Variants in BBS2 observed in about 807,000 individuals in gnomAD.
BBS2 encodes the protein BBSome complex member BBS2.
A neutral mutation model predicts 83.0 loss-of-function variants in BBS2; 62 were observed. The observed-to-expected ratio is 0.75, with a 90% CI of 0.61 to 0.92. The LOEUF is 0.92. Among genes scored for constraint, BBS2 ranks in the 40% least tolerant of loss-of-function variants. The pLI, the probability that BBS2 is intolerant of heterozygous loss-of-function variation, is 0.00. For synonymous variants in BBS2, 303 were observed against 326.1 expected (o/e 0.93, Z 0.76); for missense variants, 784 against 901.0 (o/e 0.87, Z 1.66).
intron 1 of BBS2, among the ~76,000 whole-genome samples, chr16:56,515,332 AAGG>A (rs1964703223): frequency 6.6e-6 from 1 of 152,188 alleles, no homozygotes; most frequent in African/African-American, 2.4e-5. Flanking sequence ...CACCTGTAAA[AAGG>A]AGGTTTGGAC....
chr16:56,500,886 C>A lies in BBS2; in HGVS notation c.1365G>T (p.Leu455=). 6.2e-7 allele frequency: 1 copy of A among 1,614,122 alleles called. No homozygotes were observed. Among genetic ancestry groups the A allele is most frequent in the Non-Finnish European group, 8.5e-7 (1 of 1,180,022 alleles). The change falls in exon 11 of 17, where the codon CTG becomes CTT. Residue 455 remains leucine, a synonymous_variant. Transcript: ENST00000245157. ...IVPPKDVPVD[L]HLKAFVGYRS... Reference sequence around the variant, plus strand: ...TGTAACCCACGAATGCCTTCAAGTGCAGATCCACAGGGACATCTTTGGGAG... The same window carrying A: ...TGTAACCCACGAATGCCTTCAAGTGAAGATCCACAGGGACATCTTTGGGAG...
chr16:56,473,386 T>C (rs1963294175), intron 17 of BBS2, among the ~76,000 whole-genome samples: 1 of 152,254 alleles, frequency 6.6e-6, no homozygotes, highest in Admixed American at 6.5e-5. Context: ...TAACCAGTCC[T>C]GTGTTGAGCA....
At chr16:56,516,221 AC>A (rs1428786488) in intron 1 of BBS2, 1 of 152,184 alleles carries the variant, frequency 6.6e-6, no homozygotes, top group Non-Finnish European at 1.5e-5. Context: ...TCTCAGTCAT[AC>A]GACAAAAAGA....
chr16:56,516,074 G>C (rs1280287413), intron 1 of BBS2: 2 of 152,218 alleles, frequency 1.3e-5, no homozygotes, highest in African/African-American at 4.8e-5. Flanking sequence ...GGAATGGAAA[G>C]AGTTTGCAAT....
chr16:56,478,111 C>A (rs1963556953), intron 17 of BBS2: 1 of 152,160 alleles, frequency 6.6e-6, no homozygotes, highest in Non-Finnish European at 1.5e-5. Flanking sequence ...TTGTCTTCCC[C>A]TATGCATATG....
At chr16:56,518,027 G>A (rs1246173028) in intron 1 of BBS2, among the ~76,000 whole-genome samples, 1 of 152,026 alleles carries the variant, frequency 6.6e-6, no homozygotes, top group African/African-American at 2.4e-5. Flanking sequence ...ATGCTGGCCA[G>A]GTTGGTCTTG....
At chr16:56,518,722 C>T (rs1333978463) in intron 1 of BBS2, among the ~76,000 whole-genome samples, 1 of 152,210 alleles carries the variant, frequency 6.6e-6, no homozygotes, top group Non-Finnish European at 1.5e-5. Flanking sequence ...GGCATGCCTC[C>T]GTCAAATACA....
At chr16:56,513,298 A>C (rs1042306088) in intron 2 of BBS2, among the ~76,000 whole-genome samples, 17 of 152,252 alleles carry the variant, frequency 1.1e-4, no homozygotes, top group Admixed American at 1.1e-3. Flanking sequence ...ATGTTCAACA[A>C]CATGGAACGG....
intron 7 of BBS2, among the ~76,000 whole-genome samples, chr16:56,503,241 C>T (rs1964328474): frequency 6.6e-6 from 1 of 152,128 alleles, no homozygotes; most frequent in African/African-American, 2.4e-5. Flanking sequence ...GTTCAATAAC[C>T]AGAACATGGA....
downstream of BBS2, among the ~76,000 whole-genome samples, chr16:56,484,045 C>T (rs1299723080): frequency 6.8e-6 from 1 of 147,194 alleles, no homozygotes; most frequent in Non-Finnish European, 1.5e-5. Flanking sequence ...GTCTTGCTGT[C>T]GCCCAGACTG....
intron 4 of BBS2, 39 bp from the exon 5 acceptor site, chr16:56,510,073 G>A (rs1187901586): frequency 6.3e-7 from 1 of 1,592,010 alleles, no homozygotes; most frequent in Non-Finnish European, 8.6e-7. Flanking sequence ...GTGAGTAAGT[G>A]CAAACAACAA....
chr16:56,485,782 G>A, intron 15 of BBS2, 44 bp from the exon 16 acceptor site: 19 of 1,601,636 alleles, frequency 1.2e-5, no homozygotes, highest in Non-Finnish European at 1.6e-5. Context: ...ATGTTGATAT[G>A]GCAAGCTTAA....
chr16:56,485,583 G>C lies in BBS2; in HGVS notation c.2059+7C>G, dbSNP rs113740983. On this transcript the variant is annotated splice_region_variant and intron_variant, in intron 16 of 16. Transcript: ENST00000245157. ...ATCAAAGTGCAGTGTTATGAAAAGA[G>C]ACTTACCCCGCAGACGACCTGCTCT... 2.0e-5 allele frequency: 32 copies of C among 1,614,038 alleles called. No individual in the cohort carries two copies. The highest frequency in any genetic ancestry group is 1.9e-4 in the African/African-American group (14 of 75,048).
intron 5 of BBS2, among the ~76,000 whole-genome samples, chr16:56,506,494 AAC>A (rs778014005): frequency 6.6e-6 from 1 of 152,228 alleles, no homozygotes; most frequent in Non-Finnish European, 1.5e-5. Context: ...ATTTTTAAAA[AAC>A]ACATGAAAAC....
At chr16:56,515,846 G>C (rs1173580231) in intron 1 of BBS2, among the ~76,000 whole-genome samples, 1 of 152,150 alleles carries the variant, frequency 6.6e-6, no homozygotes, top group Non-Finnish European at 1.5e-5. Context: ...ATATGAGGTC[G>C]GAAGAGTTAA....
chr16:56,482,248 G>A (rs964845022), downstream of BBS2, among the ~76,000 whole-genome samples: 1 of 152,086 alleles, frequency 6.6e-6, no homozygotes, highest in African/African-American at 2.4e-5. Context: ...TCAACAGTAG[G>A]ACTCAAGTTT....
intron 17 of BBS2, among the ~76,000 whole-genome samples, chr16:56,474,447 G>A (rs1053579418): frequency 3.0e-4 from 46 of 150,860 alleles, no homozygotes; most frequent in African/African-American, 1.1e-3. Context: ...TAAGCCTCCC[G>A]GGTAGCTGGA....
At position 56,510,049 on chromosome 16, in the gene BBS2, T is replaced by A; in HGVS notation, c.535-15A>T. 6.2e-7 allele frequency: 1 copy of A among 1,612,800 alleles called. No homozygotes were observed. Among genetic ancestry groups the A allele is most frequent in the Non-Finnish European group, 8.5e-7 (1 of 1,178,824 alleles). On this transcript the variant is annotated splice_polypyrimidine_tract_variant and intron_variant, in intron 4 of 16. Transcript: ENST00000245157. Reference sequence around the variant, plus strand: ...CCAACAAGAAGCTGAAGGGGAAATATCATACATGTTCAGGTGAGTAAGTGC... The same window carrying A: ...CCAACAAGAAGCTGAAGGGGAAATAACATACATGTTCAGGTGAGTAAGTGC...
chr16:56,511,205 CA>C lies in BBS2; in HGVS notation c.424del (p.Cys142ValfsTer59). 1 of 1,614,140 alleles carries C rather than the reference CA, an allele frequency of 6.2e-7. No individual in the cohort carries two copies. Among genetic ancestry groups the C allele is most frequent in the Non-Finnish European group, 8.5e-7 (1 of 1,180,018 alleles). ...SSPLAIIGGNCALQGFNHEGS... is the reference protein window; with the variant it reads ...SSPLAIIGGNXALQGFNHEGS... ...TTCATGATTGAAACCTTGCAGAGCA[CA>C]ATTGCCACCAATAATCGCAAGAGGG... is the stretch of plus-strand genomic sequence containing the variant. On this transcript the variant is annotated frameshift_variant, in exon 3 of 17. Coordinates refer to ENST00000245157, the MANE Select transcript of BBS2 (RefSeq NM_031885.5). LOFTEE classifies it high-confidence loss of function.
Sources: allele counts gnomAD v4.1 joint callset (sites outside exome capture counted in the v4.1 genomes callset), GRCh38; gene constraint gnomAD v4.1.1; transcripts MANE v1.5; gene names NCBI Gene and HGNC (gene_info 2026-07-23, HGNC 2026-07-21).